Variants in XG observed in about 807,000 individuals in gnomAD.
The protein encoded by XG is Xg glycoprotein (Xg blood group).
In XG, 24 loss-of-function variants were observed where a neutral mutation model predicts 25.7. That is an observed-to-expected ratio of 0.93 (90% CI 0.68 to 1.31). XG has a LOEUF of 1.31. Among genes scored for constraint, XG ranks in the 40% most tolerant of loss-of-function variants. XG has a pLI of 0.00. For synonymous variants in XG, 77 were observed against 69.2 expected, an observed-to-expected ratio of 1.11 and a Z score of -0.56; for missense variants, 181 against 187.6, an observed-to-expected ratio of 0.96 and a Z score of 0.21.
At chrX:2,767,151 G>A (rs1243027824) in intron 1 of XG, among the ~76,000 whole-genome samples, 3 of 152,076 alleles carry the variant, frequency 2.0e-5, no homozygotes, top group Non-Finnish European at 4.4e-5. Context: ...AAAGAATTTG[G>A]GTGGGAGGCA....
At chrX:2,784,704 G>C (rs773335246) in intron 4 of XG, among the ~76,000 whole-genome samples, 1 of 111,949 alleles carries the variant, frequency 8.9e-6, no homozygotes, top group South Asian at 3.8e-4. Context: ...GAGGAGGAGT[G>C]GGGGAAGAGA....
intron 7 of XG, among the ~76,000 whole-genome samples, chrX:2,801,403 A>G (rs1484507492): frequency 8.9e-6 from 1 of 111,887 alleles, no homozygotes; most frequent in Non-Finnish European, 1.9e-5. Context: ...GGACCGCAGC[A>G]GCTTTTGTAG....
At chrX:2,757,030 A>G (rs1365598255) in intron 1 of XG, among the ~76,000 whole-genome samples, 1 of 152,180 alleles carries the variant, frequency 6.6e-6, no homozygotes. Flanking sequence ...TGGTAAATGC[A>G]GAAGAGTTTG....
chrX:2,811,226 C>T, intron 9 of XG, 110 bp from the exon 10 acceptor site: 2 of 533,677 alleles, frequency 3.7e-6, no homozygotes, highest in South Asian at 4.3e-5. Flanking sequence ...TTTGTCATTA[C>T]TTTCAATGGC....
At chrX:2,779,113 A>C (rs2857319) in intron 3 of XG, among the ~76,000 whole-genome samples, 43,330 of 151,748 alleles carry the variant, frequency 0.29, 2,950 homozygotes, top group South Asian at 0.37. Flanking sequence ...ACCTGAATAT[A>C]AAAGAAAACT....
intron 5 of XG, among the ~76,000 whole-genome samples, chrX:2,792,545 T>TTG (rs146747084): frequency 0.016 from 1,623 of 99,299 alleles, 26 homozygotes; most frequent in African/African-American, 0.045. Flanking sequence ...TTCTTTTTCT[T>TTG]TGTGTGTGTG....
chrX:2,782,175 T>G (rs773128650), intron 4 of XG, 47 bp downstream of exon 4: 1 of 1,184,413 alleles, frequency 8.4e-7, no homozygotes, highest in Non-Finnish European at 1.1e-6. Context: ...GGTTTGATGA[T>G]GTTTGCCTTT....
intron 5 of XG, 77 bp downstream of exon 5, chrX:2,789,783 TTTTAC>T (rs201214222): frequency 0.13 from 61,970 of 462,583 alleles, 3,616 homozygotes; most frequent in South Asian, 0.36. Flanking sequence ...TTCTATGTTA[TTTTAC>T]TTTATTTTAC....
chrX:2,810,396 G>C (rs1002546333), intron 9 of XG, among the ~76,000 whole-genome samples: 1 of 111,103 alleles, frequency 9.0e-6, no homozygotes, highest in African/African-American at 3.3e-5. Context: ...TGTGTCTAGT[G>C]TGTGCTTGGG....
chrX:2,787,907 CAAAAAAAAAAA>C (rs61601632), intron 4 of XG, among the ~76,000 whole-genome samples: 3 of 50,786 alleles, frequency 5.9e-5, no homozygotes, highest in Non-Finnish European at 1.2e-4. Flanking sequence ...AACTCCTTCT[CAAAAAAAAAAA>C]AAAAAAAAGA....
intron 1 of XG, among the ~76,000 whole-genome samples, chrX:2,766,856 C>T (rs964201206): frequency 7.9e-5 from 12 of 152,236 alleles, no homozygotes; most frequent in East Asian, 1.9e-4. Context: ...TGAGCCACCG[C>T]GCCCAGCCTG....
At chrX:2,755,058 G>A (rs937530763) in intron 1 of XG, among the ~76,000 whole-genome samples, 2 of 152,086 alleles carry the variant, frequency 1.3e-5, no homozygotes, top group African/African-American at 4.8e-5. Flanking sequence ...TGAGCATCCC[G>A]CTCTATCCCA....
chrX:2,777,552 C>T (rs2051026085), intron 3 of XG, among the ~76,000 whole-genome samples: 1 of 151,962 alleles, frequency 6.6e-6, no homozygotes, highest in Non-Finnish European at 1.5e-5. Flanking sequence ...GAGATTGCGC[C>T]ACTGCACTTC....
chrX:2,807,719 ATG>A (rs983184317), intron 8 of XG, among the ~76,000 whole-genome samples: 3 of 112,079 alleles, frequency 2.7e-5, no homozygotes, highest in Non-Finnish European at 3.8e-5. Context: ...GTGTAAATGC[ATG>A]TGTGTGTGCA....
intron 7 of XG, among the ~76,000 whole-genome samples, chrX:2,801,468 C>G (rs984014356): frequency 9.0e-6 from 1 of 111,237 alleles, no homozygotes; most frequent in African/African-American, 3.3e-5. Context: ...CTGGTTCGAT[C>G]AGGTATGACT....
At position 2,815,251 on chromosome X, in the gene XG, C is replaced by G. The variant is rs755141321; in HGVS notation, c.*871C>G. 8.9e-5 allele frequency: 10 copies of G among 111,906 alleles called. No homozygotes were observed. Among genetic ancestry groups the G allele is most frequent in the African/African-American group, 3.2e-4 (10 of 30,879 alleles). 9.2% of individuals were successfully genotyped at this position (111,906 alleles called of 1,213,427 possible). A position where few individuals can be genotyped will look rare whatever the true frequency, so the allele number is the denominator to read the frequency against. On this transcript the variant is annotated 3_prime_UTR_variant, in exon 11 of 11. Transcript: ENST00000644266. ...GGGTAGGAAGTCTTAAATCCTTAGG[C>G]ATCCAAGAAGTATACTAGCTTTTTG...
intron 10 of XG, among the ~76,000 whole-genome samples, chrX:2,813,853 A>T (rs190564870): frequency 8.4e-4 from 95 of 113,010 alleles, no homozygotes; most frequent in Non-Finnish European, 1.7e-3. Context: ...ATTTAAGATC[A>T]TCAAAATCCT....
At chrX:2,780,314 C>T (rs2051090726) in intron 3 of XG, among the ~76,000 whole-genome samples, 1 of 151,302 alleles carries the variant, frequency 6.6e-6, no homozygotes, top group African/African-American at 2.4e-5. Flanking sequence ...TGCAATTGAC[C>T]AGCTGATGTG....
rs754683830 is a variant in XG at position 2,811,366 on chromosome X, T to C, written c.485T>C (p.Ile162Thr). 3.3e-6 allele frequency: 4 copies of C among 1,208,980 alleles called. No homozygotes were observed. The highest frequency in any genetic ancestry group is 2.3e-4 in the Middle Eastern group (1 of 4,337). The change falls in exon 10 of 11, where the codon ATC (isoleucine) becomes ACC (threonine). Residue 162 changes from isoleucine to threonine, a missense_variant. By Grantham distance (89) the Ile-to-Thr change is moderately conservative. Transcript: ENST00000644266. ...ATGGTAGCAAAAATCGTGTCTCCCA[T>C]CGTATCCGTGGTGGTGGTGACACTG... ...GNMVAKIVSP[I>T]VSVVVVTLLG...
Sources: gnomAD v4.1 joint callset for allele counts (sites outside exome capture counted in the v4.1 genomes callset) on GRCh38, gnomAD v4.1.1 for gene constraint, MANE v1.5 for transcripts, NCBI Gene and HGNC (gene_info 2026-07-23, HGNC 2026-07-21) for gene names.